PDE6A: variants seen among roughly 807,000 people sequenced by gnomAD.
PDE6A encodes the protein rod cGMP-specific 3',5'-cyclic phosphodiesterase subunit alpha.
A neutral mutation model predicts 106.3 loss-of-function variants in PDE6A; 84 were observed. The ratio of observed to expected loss-of-function variants is 0.79; its 90% CI spans 0.66 to 0.95. The LOEUF is 0.95. PDE6A is among the 40% of genes least tolerant of loss of function. The pLI is 0.00. For synonymous variants in PDE6A, 394 were observed against 386.6 expected (o/e 1.02, Z -0.23); for missense variants, 1,052 against 1,084.9 (o/e 0.97, Z 0.43).
At chr5:149,879,432 A>G (rs1343952134) in intron 17 of PDE6A, among the ~76,000 whole-genome samples, 1 of 145,540 alleles carries the variant, frequency 6.9e-6, no homozygotes, top group South Asian at 2.2e-4. Flanking sequence ...TTTTTTTATT[A>G]TTGTTATTAT....
intron 15 of PDE6A, 76 bp downstream of exon 15, chr5:149,884,704 G>A: frequency 1.4e-6 from 2 of 1,480,062 alleles, no homozygotes; most frequent in East Asian, 2.3e-5. Context: ...TGCTCCCTGG[G>A]CACACTCAGG....
intron 4 of PDE6A, 21 bp downstream of exon 4, chr5:149,931,007 C>G: frequency 6.2e-7 from 1 of 1,613,096 alleles, no homozygotes; most frequent in Non-Finnish European, 8.5e-7. Context: ...TTGGAAATGT[C>G]TGTTGCTGAA....
In PDE6A at chr5:149,916,769, T is replaced by C. The variant is rs532527932; in HGVS notation, c.934-1762A>G. The stretch of plus-strand genomic sequence containing the variant: ...ACAGAGAGAGGAAAGGACTCACTTG[T>C]AGCAAGACAGTGAACCAAAATCAGA... On this transcript the variant is annotated intron_variant, in intron 5 of 21. Coordinates refer to ENST00000255266, the MANE Select transcript of PDE6A (RefSeq NM_000440.3). Among the ~76,000 whole-genome samples the C allele has an allele frequency of 1.2e-4, 18 of 152,296 alleles. 1 individual carries two copies. Among genetic ancestry groups the C allele is most frequent in the African/African-American group, 4.1e-4 (17 of 41,570 alleles).
rs1375042723 is a variant in PDE6A at position 149,863,103 on chromosome 5, TC to T, written c.2506+15del. ...GAGTGGGGTGGTGGGAGTCCCTGCT[TC>T]CCCCTTCCACAAACCTGACTTGGCC... On this transcript the variant is annotated intron_variant, in intron 21 of 21. Transcript: ENST00000255266. This position sits in a 1 kb window ranked among gnomAD's most constrained non-coding sequence, Gnocchi z 4.7. 1 of 1,614,072 alleles carries T rather than the reference TC, an allele frequency of 6.2e-7. No homozygotes were observed. The highest frequency in any genetic ancestry group is 8.5e-7 in the Non-Finnish European group (1 of 1,179,988).
At chr5:149,903,765 A>G in intron 7 of PDE6A, 70 bp from the exon 8 acceptor site, 4 of 1,116,546 alleles carry the variant, frequency 3.6e-6, no homozygotes, top group Non-Finnish European at 5.5e-6. Context: ...AGCACTGTAT[A>G]CCATTTTCAG....
At chr5:149,944,125 C>G in intron 1 of PDE6A, 75 bp downstream of exon 1, 1 of 1,140,220 alleles carries the variant, frequency 8.8e-7, no homozygotes, top group Non-Finnish European at 1.3e-6. Context: ...GTGGCCAATG[C>G]CCCTCACCCC....
Position 149,944,715 on chromosome 5 carries a change from G to A in PDE6A, c.-42C>T, listed in dbSNP as rs113137904. On this transcript the variant is annotated 5_prime_UTR_variant, in exon 1 of 22. Transcript: ENST00000255266. Reference sequence around the variant, plus strand: ...GGCTACTCTGTAGAAGGACTGGGACGGAGGCCTTCCAATGGCAGTTTTGCA... The same window carrying A: ...GGCTACTCTGTAGAAGGACTGGGACAGAGGCCTTCCAATGGCAGTTTTGCA... 10,712 of 1,515,196 alleles carry A rather than the reference G, an allele frequency of 7.1e-3. 67 individuals carry two copies. The highest frequency in any genetic ancestry group is 0.018 in the Middle Eastern group (81 of 4,572). The allele number at this position is 1,515,196 out of a possible 1,614,324, so 93.9% of individuals were successfully genotyped here. A position where few individuals can be genotyped will look rare whatever the true frequency, so the allele number is the denominator to read the frequency against.
chr5:149,924,454 T>C (rs1753818023), intron 4 of PDE6A, among the ~76,000 whole-genome samples: 1 of 149,868 alleles, frequency 6.7e-6, no homozygotes, highest in South Asian at 2.1e-4. Context: ...GAAATAGAAA[T>C]ATATATATAT....
chr5:149,933,460 C>T (rs1754100766), intron 3 of PDE6A, among the ~76,000 whole-genome samples: 2 of 152,210 alleles, frequency 1.3e-5, no homozygotes, highest in South Asian at 4.1e-4. Context: ...CAAACTGGGG[C>T]TCAGAGAGAT....
intron 20 of PDE6A, among the ~76,000 whole-genome samples, chr5:149,864,329 C>T (rs1760248328): frequency 6.6e-6 from 1 of 152,070 alleles, no homozygotes; most frequent in East Asian, 1.9e-4. Flanking sequence ...ACCTCCGCCT[C>T]CCAGGTTCAA....
chr5:149,878,112 G>C (rs1362523185), intron 17 of PDE6A, among the ~76,000 whole-genome samples: 3 of 152,188 alleles, frequency 2.0e-5, no homozygotes, highest in Non-Finnish European at 2.9e-5. Flanking sequence ...AGAGAATGCT[G>C]TGCCTACTGG....
chr5:149,907,607 C>T (rs1753240943), intron 6 of PDE6A, among the ~76,000 whole-genome samples: 1 of 152,170 alleles, frequency 6.6e-6, no homozygotes, highest in South Asian at 2.1e-4. Flanking sequence ...CCAAGTTTCA[C>T]CATCTGAGAA....
intron 4 of PDE6A, among the ~76,000 whole-genome samples, chr5:149,930,010 C>T (rs543067824): frequency 3.1e-4 from 47 of 152,314 alleles, no homozygotes; most frequent in Non-Finnish European, 5.6e-4. Context: ...CATCCTCCCA[C>T]CTCAACCTCC....
Position 149,934,716 on chromosome 5 carries a change from A to G in PDE6A, c.477T>C (p.Asp159=). 6.2e-7 allele frequency: 1 copy of G among 1,613,776 alleles called. No individual in the cohort carries two copies. The highest frequency in any genetic ancestry group is 2.2e-5 in the East Asian group (1 of 44,880). ...TGTCCACAAAGTCACAGAAATGCTC[A>G]TCCTAAAGGAAGGCAGAGATAAGCA... ...KIANVPNTEE[D]EHFCDFVDIL... The change falls in exon 2 of 22, where the codon GAT becomes GAC. Residue 159 remains aspartate (D), a splice_region_variant and synonymous_variant. Transcript: ENST00000255266.
chr5:149,924,403 T>G (rs1753815965), intron 4 of PDE6A, among the ~76,000 whole-genome samples: 1 of 150,672 alleles, frequency 6.6e-6, no homozygotes, highest in African/African-American at 2.4e-5. Flanking sequence ...ATAAGAATAT[T>G]TAGAAATAGA....
At chr5:149,924,841 C>T (rs559324532) in intron 4 of PDE6A, among the ~76,000 whole-genome samples, 2 of 152,322 alleles carry the variant, frequency 1.3e-5, no homozygotes, top group South Asian at 2.1e-4. Context: ...ATGCTGTGAG[C>T]AGCTAAGAAG....
chr5:149,875,443 T>C (rs1760704182), intron 17 of PDE6A, among the ~76,000 whole-genome samples: 1 of 152,166 alleles, frequency 6.6e-6, no homozygotes, highest in South Asian at 2.1e-4. Flanking sequence ...ACAAGTTTAA[T>C]ATTTTCAAAG....
intron 21 of PDE6A, 89 bp from the exon 22 acceptor site, chr5:149,861,060 A>G (rs1413416538): frequency 9.4e-6 from 11 of 1,172,064 alleles, no homozygotes; most frequent in Non-Finnish European, 1.4e-5. Context: ...AGAGTTGCAA[A>G]CTCAAAGGCT....
At chr5:149,922,504 G>T (rs1002363055) in intron 4 of PDE6A, among the ~76,000 whole-genome samples, 7 of 151,900 alleles carry the variant, frequency 4.6e-5, no homozygotes, top group Non-Finnish European at 8.8e-5. Flanking sequence ...TAGAGATGGG[G>T]TTTCACCATA....
Sources: allele counts gnomAD v4.1 joint callset (sites outside exome capture counted in the v4.1 genomes callset), GRCh38; gene constraint gnomAD v4.1.1; non-coding constraint Gnocchi (gnomAD v3.1); transcripts MANE v1.5; gene names NCBI Gene and HGNC (gene_info 2026-07-23, HGNC 2026-07-21).